The following NEGR1 variants were observed in gnomAD, a reference collection of about 807,000 sequenced individuals.
NEGR1 encodes neuronal growth regulator 1.
A neutral mutation model predicts 40.9 loss-of-function variants in NEGR1; 10 were observed. That is an observed-to-expected ratio of 0.24 (90% CI 0.15 to 0.42). The LOEUF is 0.42. NEGR1 is among the 10% of genes least tolerant of loss of function. NEGR1 has a pLI of 1.00. For synonymous variants in NEGR1, 185 were observed against 166.8 expected (o/e 1.11, Z -0.84); for missense variants, 352 against 438.9 (o/e 0.80, Z 1.77).
chr1:71,568,641 AG>A (rs1648698696), intron 6 of NEGR1, among the ~76,000 whole-genome samples: 2 of 152,190 alleles, frequency 1.3e-5, no homozygotes, highest in African/African-American at 2.4e-5. Flanking sequence ...TAAAAATATA[AG>A]GAAAAAAATA....
chr1:71,671,194 A>T (rs1025504926), intron 4 of NEGR1, among the ~76,000 whole-genome samples: 15 of 152,142 alleles, frequency 9.9e-5, no homozygotes, highest in African/African-American at 3.4e-4. Flanking sequence ...GAACAATTCC[A>T]CTTGATTTGT....
chr1:71,899,733 G>C (rs1158066149), intron 2 of NEGR1, among the ~76,000 whole-genome samples: 1 of 152,078 alleles, frequency 6.6e-6, no homozygotes, highest in African/African-American at 2.4e-5. Context: ...GAATGACTCT[G>C]TTTTTATCAG....
chr1:71,705,835 A>C (rs1243431724), intron 3 of NEGR1, among the ~76,000 whole-genome samples: 3 of 151,718 alleles, frequency 2.0e-5, no homozygotes. Flanking sequence ...AAAGAAAGAA[A>C]GAGAGAGAGA....
At chr1:72,182,753 T>A (rs191501414) in intron 1 of NEGR1, among the ~76,000 whole-genome samples, 1 of 146,014 alleles carries the variant, frequency 6.8e-6, no homozygotes, top group Non-Finnish European at 1.5e-5. Context: ...TTGACTGATA[T>A]ATATGAGTAT....
At chr1:71,694,593 A>C (rs965537841) in intron 4 of NEGR1, among the ~76,000 whole-genome samples, 3 of 151,778 alleles carry the variant, frequency 2.0e-5, no homozygotes, top group African/African-American at 7.2e-5. Flanking sequence ...TAGGTAATTA[A>C]ATTGAATAGA....
At chr1:72,013,963 T>TAAAAAA (rs1161156816) in intron 1 of NEGR1, among the ~76,000 whole-genome samples, 13 of 88,450 alleles carry the variant, frequency 1.5e-4, no homozygotes, top group Middle Eastern at 8.3e-3. Flanking sequence ...CTGTGAAAAA[T>TAAAAAA]AAAAAAAAAA....
At chr1:71,580,876 A>G (rs1335607150) in intron 6 of NEGR1, among the ~76,000 whole-genome samples, 3 of 152,176 alleles carry the variant, frequency 2.0e-5, no homozygotes, top group Admixed American at 6.5e-5. Context: ...CTTTATAGCC[A>G]TTCAAGTAGA....
At chr1:71,526,391 T>C (rs1647217145) in intron 6 of NEGR1, among the ~76,000 whole-genome samples, 1 of 151,752 alleles carries the variant, frequency 6.6e-6, no homozygotes, top group East Asian at 1.9e-4. Flanking sequence ...TACAGTATTA[T>C]GTCTGCACAG....
chr1:71,450,803 G>A (rs548488435), intron 6 of NEGR1, among the ~76,000 whole-genome samples: 3 of 151,242 alleles, frequency 2.0e-5, no homozygotes, highest in Admixed American at 6.6e-5. Flanking sequence ...AGCGAGACTC[G>A]GTCTCAGGGA....
rs527867136 is a variant in NEGR1, at chr1:72,058,089, G to A, written c.177-122778C>T. On this transcript the variant is annotated intron_variant, in intron 1 of 6. Transcript: ENST00000357731. Reference sequence around the variant, plus strand: ...CATCTGAAGAACACTGACCTAACAGGACCCATATTCAAGTTCTGCAAATTA... The same window carrying A: ...CATCTGAAGAACACTGACCTAACAGAACCCATATTCAAGTTCTGCAAATTA... Among the ~76,000 whole-genome samples the A allele has an allele frequency of 1.3e-4, 19 of 151,516 alleles. No individual in the cohort carries two copies. In the South Asian group the frequency reaches 3.3e-3, roughly 26 times the overall value.
intron 2 of NEGR1, among the ~76,000 whole-genome samples, chr1:71,777,663 G>A (rs914101980): frequency 7.2e-5 from 11 of 151,782 alleles, no homozygotes; most frequent in African/African-American, 9.7e-5. Context: ...ATGTTTTCAC[G>A]ATTACCTTTA....
chr1:71,885,007 CCTT>C (rs1435130628), intron 2 of NEGR1, among the ~76,000 whole-genome samples: 1 of 152,146 alleles, frequency 6.6e-6, no homozygotes, highest in African/African-American at 2.4e-5. Flanking sequence ...GGCTTTGAAT[CCTT>C]CTGCTTTGAC....
At chr1:71,931,109 C>A (rs550611829) in intron 2 of NEGR1, among the ~76,000 whole-genome samples, 7 of 152,248 alleles carry the variant, frequency 4.6e-5, no homozygotes, top group African/African-American at 1.4e-4. Context: ...CCACCTATTA[C>A]AAATACTCTA....
chr1:72,101,983 C>T (rs1408840082), intron 1 of NEGR1, among the ~76,000 whole-genome samples: 1 of 151,880 alleles, frequency 6.6e-6, no homozygotes, highest in East Asian at 1.9e-4. Context: ...TATCCATCTG[C>T]CCATCTATTT....
At chr1:72,122,408 C>CA (rs970747679) in intron 1 of NEGR1, among the ~76,000 whole-genome samples, 2 of 151,214 alleles carry the variant, frequency 1.3e-5, no homozygotes, top group East Asian at 1.9e-4. Flanking sequence ...TCATATTTGG[C>CA]AAAAAAAACT....
chr1:72,156,737 A>T (rs1272312529), intron 1 of NEGR1, among the ~76,000 whole-genome samples: 2 of 152,146 alleles, frequency 1.3e-5, no homozygotes, highest in Non-Finnish European at 2.9e-5. Context: ...AAATACATGG[A>T]AGGGGAAAAG....
chr1:72,182,168 A>G (rs570837348), intron 1 of NEGR1, among the ~76,000 whole-genome samples: 1 of 152,296 alleles, frequency 6.6e-6, no homozygotes, highest in East Asian at 1.9e-4. Context: ...ATCCTGTTGT[A>G]TACCTTAAAT....
chr1:71,938,130 A>C (rs532473423), intron 1 of NEGR1, among the ~76,000 whole-genome samples: 1 of 150,022 alleles, frequency 6.7e-6, no homozygotes, highest in Non-Finnish European at 1.5e-5. Context: ...TTGAATGACA[A>C]TCAGAAAAAA....
At chr1:72,134,592 C>A (rs1463828918) in intron 1 of NEGR1, among the ~76,000 whole-genome samples, 2 of 150,228 alleles carry the variant, frequency 1.3e-5, no homozygotes, top group East Asian at 3.9e-4. Flanking sequence ...CCTAAACCAA[C>A]ATTTATTCTA....
Sources: allele counts gnomAD v4.1 joint callset (sites outside exome capture counted in the v4.1 genomes callset), GRCh38; gene constraint gnomAD v4.1.1; transcripts MANE v1.5; gene names NCBI Gene and HGNC (gene_info 2026-07-23, HGNC 2026-07-21).